PTPRN2: variants seen among roughly 807,000 people sequenced by gnomAD.
PTPRN2 encodes the protein protein tyrosine phosphatase receptor type N2, also known as receptor-type tyrosine-protein phosphatase N2.
Under a neutral mutation model 118.8 loss-of-function variants are expected in PTPRN2, and 74 were observed. That is an observed-to-expected ratio of 0.62 (90% CI 0.52 to 0.76). The LOEUF (loss-of-function observed/expected upper bound fraction) is 0.76. Among genes scored for constraint, PTPRN2 ranks in the 30% least tolerant of loss-of-function variants. PTPRN2 has a pLI of 0.00. For synonymous variants in PTPRN2, 641 were observed against 608.0 expected (o/e 1.05, Z -0.80); for missense variants, 1,481 against 1,394.4 (o/e 1.06, Z -0.99).
chr7:158,543,279 G>A (rs570841909), intron 1 of PTPRN2, among the ~76,000 whole-genome samples: 2 of 152,246 alleles, frequency 1.3e-5, no homozygotes, highest in Non-Finnish European at 2.9e-5. Flanking sequence ...TCCCCACCCC[G>A]AGGCTCTGAA....
intron 13 of PTPRN2, among the ~76,000 whole-genome samples, chr7:157,677,002 G>A (rs566582626): frequency 3.3e-5 from 5 of 152,270 alleles, no homozygotes; most frequent in East Asian, 1.9e-4. Flanking sequence ...CCCTGGTGCT[G>A]TGTGAGCACC....
At chr7:158,586,525 T>C (rs888112877) in intron 1 of PTPRN2, among the ~76,000 whole-genome samples, 1 of 152,204 alleles carries the variant, frequency 6.6e-6, no homozygotes, top group African/African-American at 2.4e-5. Flanking sequence ...TGTGTAATTC[T>C]GGCCCCGAAG....
At chr7:158,182,255 T>C (rs567110710) in intron 5 of PTPRN2, among the ~76,000 whole-genome samples, 1 of 152,362 alleles carries the variant, frequency 6.6e-6, no homozygotes. Context: ...TCTAGTTTTA[T>C]TCCACTGTGG....
intron 1 of PTPRN2, among the ~76,000 whole-genome samples, chr7:158,499,155 T>C (rs1822170870): frequency 6.6e-6 from 1 of 152,142 alleles, no homozygotes; most frequent in Non-Finnish European, 1.5e-5. Context: ...AAATGTGAGT[T>C]ATATCATCAT....
At chr7:158,533,117 G>C (rs528432783) in intron 1 of PTPRN2, among the ~76,000 whole-genome samples, 1 of 152,152 alleles carries the variant, frequency 6.6e-6, no homozygotes, top group Non-Finnish European at 1.5e-5. Flanking sequence ...CAACAACCAC[G>C]GGAGCTTGAA....
intron 14 of PTPRN2, among the ~76,000 whole-genome samples, chr7:157,653,933 A>G (rs1233001245): frequency 1.1e-4 from 6 of 54,428 alleles, no homozygotes; most frequent in East Asian, 5.5e-4. Context: ...CACCCACCCC[A>G]ACTGCACACG....
chr7:158,060,095 G>A (rs562866471), intron 11 of PTPRN2, among the ~76,000 whole-genome samples: 1,520 of 106,222 alleles, frequency 0.014, 67 homozygotes, highest in African/African-American at 0.072. Context: ...ATCTGCCCAC[G>A]GTGACACATC....
At chr7:158,211,557 ACT>A (rs1827602983) in intron 3 of PTPRN2, among the ~76,000 whole-genome samples, 1 of 152,204 alleles carries the variant, frequency 6.6e-6, no homozygotes, top group Non-Finnish European at 1.5e-5. Context: ...AATAGATATA[ACT>A]CTGAATAGAC....
At chr7:158,176,192 G>A (rs1824188821) in intron 5 of PTPRN2, among the ~76,000 whole-genome samples, 1 of 152,204 alleles carries the variant, frequency 6.6e-6, no homozygotes, top group African/African-American at 2.4e-5. Context: ...CATGATTAAA[G>A]CAGCGAGTTC....
chr7:158,333,848 T>C (rs1349391192), intron 2 of PTPRN2, among the ~76,000 whole-genome samples: 2 of 140,560 alleles, frequency 1.4e-5, no homozygotes, highest in African/African-American at 2.7e-5. Context: ...ACCATAGAGC[T>C]GACACCCGCA....
chr7:158,341,355 G>T (rs1316718379), intron 2 of PTPRN2, among the ~76,000 whole-genome samples: 4 of 126,356 alleles, frequency 3.2e-5, no homozygotes, highest in African/African-American at 6.9e-5. Flanking sequence ...ACCATAAGAG[G>T]TAACACATGC....
At chr7:158,380,748 G>A (rs1215063687) in intron 2 of PTPRN2, among the ~76,000 whole-genome samples, 1 of 152,226 alleles carries the variant, frequency 6.6e-6, no homozygotes, top group East Asian at 1.9e-4. Context: ...CTTCTGCACT[G>A]CCCTAGCAGA....
At chr7:158,498,003 C>T (rs1225557467) in intron 1 of PTPRN2, among the ~76,000 whole-genome samples, 3 of 152,266 alleles carry the variant, frequency 2.0e-5, no homozygotes, top group Non-Finnish European at 4.4e-5. Flanking sequence ...GCTCAGGCCC[C>T]TCCAATTCAC....
At chr7:158,101,326 G>T (rs932578815) in intron 10 of PTPRN2, among the ~76,000 whole-genome samples, 2 of 152,126 alleles carry the variant, frequency 1.3e-5, no homozygotes, top group East Asian at 3.9e-4. Flanking sequence ...ACATGTAGAA[G>T]AATAAAACTG....
chr7:157,849,438 C>A (rs1333065027), intron 12 of PTPRN2, among the ~76,000 whole-genome samples: 1 of 152,212 alleles, frequency 6.6e-6, no homozygotes, highest in Non-Finnish European at 1.5e-5. Flanking sequence ...TCCCAGGTCC[C>A]TGAGCCACCG....
At chr7:158,000,376 T>TGCC (rs1805125219) in intron 11 of PTPRN2, among the ~76,000 whole-genome samples, 1 of 120,930 alleles carries the variant, frequency 8.3e-6, no homozygotes, top group Non-Finnish European at 1.8e-5. Flanking sequence ...AGGGCCATGC[T>TGCC]TGGTTTCAGG....
At chr7:158,080,314 C>CA (rs556546951) in intron 11 of PTPRN2, among the ~76,000 whole-genome samples, 1,014 of 72,146 alleles carry the variant, frequency 0.014, 58 homozygotes, top group Non-Finnish European at 0.016. Context: ...CAAATTTAAG[C>CA]AAAAAAAAAA....
intron 12 of PTPRN2, among the ~76,000 whole-genome samples, chr7:157,724,880 T>A (rs1054011652): frequency 2.6e-4 from 39 of 152,206 alleles, no homozygotes; most frequent in Admixed American, 6.5e-5. Flanking sequence ...TCTTACATGA[T>A]AAATTTAAAG....
At chr7:158,150,986 T>A (rs1206344225) in intron 6 of PTPRN2, among the ~76,000 whole-genome samples, 1 of 151,836 alleles carries the variant, frequency 6.6e-6, no homozygotes, top group Admixed American at 6.6e-5. Flanking sequence ...TGTCTGTTCC[T>A]CTCAGCACCT....
Sources: gnomAD v4.1 joint callset for allele counts (sites outside exome capture counted in the v4.1 genomes callset) on GRCh38, gnomAD v4.1.1 for gene constraint, MANE v1.5 for transcripts, NCBI Gene and HGNC (gene_info 2026-07-23, HGNC 2026-07-21) for gene names.